Variants in MAML3 observed in about 807,000 individuals in gnomAD.
MAML3 encodes mastermind like transcriptional coactivator 3.
In MAML3, 27 loss-of-function variants were observed where a neutral mutation model predicts 101.9. That is an observed-to-expected ratio of 0.27 (90% CI 0.20 to 0.37). The LOEUF is 0.37. MAML3 is among the 10% of genes least tolerant of loss of function. The probability of loss-of-function intolerance (pLI) is 1.00; values close to 1 mark genes in which losing one functional copy is unlikely to be tolerated. For synonymous variants in MAML3, 501 were observed against 555.9 expected (o/e 0.90, Z 1.39); for missense variants, 1,316 against 1,444.9 (o/e 0.91, Z 1.45).
At chr4:139,748,509 T>G (rs1288027385) in intron 2 of MAML3, among the ~76,000 whole-genome samples, 1 of 151,790 alleles carries the variant, frequency 6.6e-6, no homozygotes, top group Non-Finnish European at 1.5e-5. Flanking sequence ...AATGCATCAG[T>G]GGAAATGAGT....
chr4:140,084,620 C>A (rs1727921590), intron 1 of MAML3, among the ~76,000 whole-genome samples: 1 of 152,088 alleles, frequency 6.6e-6, no homozygotes, highest in African/African-American at 2.4e-5. Flanking sequence ...TAATATTCCA[C>A]TTTTCACCTC....
At chr4:139,943,956 C>T (rs946455318) in intron 1 of MAML3, among the ~76,000 whole-genome samples, 34 of 146,440 alleles carry the variant, frequency 2.3e-4, no homozygotes, top group Non-Finnish European at 4.5e-4. Flanking sequence ...CTGCAACCTC[C>T]GCCTCCCGGG....
chr4:139,920,298 G>A (rs1327107400), intron 1 of MAML3, among the ~76,000 whole-genome samples: 1 of 152,172 alleles, frequency 6.6e-6, no homozygotes, highest in African/African-American at 2.4e-5. Flanking sequence ...TGCAAACTGT[G>A]GCCCTGTCAC....
chr4:139,832,376 T>G (rs934419920), intron 2 of MAML3, among the ~76,000 whole-genome samples: 2 of 151,758 alleles, frequency 1.3e-5, no homozygotes, highest in Non-Finnish European at 2.9e-5. Flanking sequence ...CCTCCCAAAG[T>G]GCTGGAATTA....
chr4:139,912,377 A>C (rs899743190), intron 1 of MAML3, among the ~76,000 whole-genome samples: 1 of 152,190 alleles, frequency 6.6e-6, no homozygotes, highest in African/African-American at 2.4e-5. Context: ...GGAAAAAATA[A>C]AGGTTGAGGA....
intron 1 of MAML3, among the ~76,000 whole-genome samples, chr4:139,991,851 A>G (rs1734678405): frequency 6.6e-6 from 1 of 152,058 alleles, no homozygotes; most frequent in South Asian, 2.1e-4. Context: ...GTCTCAGAAA[A>G]ACAACAACAA....
intron 2 of MAML3, among the ~76,000 whole-genome samples, chr4:139,782,243 G>C (rs1730228921): frequency 6.6e-6 from 1 of 152,164 alleles, no homozygotes; most frequent in African/African-American, 2.4e-5. Flanking sequence ...GTTCACTGCA[G>C]CCTCAAACTT....
At chr4:139,849,724 C>T (rs1414402722) in intron 2 of MAML3, among the ~76,000 whole-genome samples, 1 of 152,220 alleles carries the variant, frequency 6.6e-6, no homozygotes, top group African/African-American at 2.4e-5. Flanking sequence ...TCCACTGTAA[C>T]TTAACCACTC....
chr4:140,137,489 T>C (rs900950578), intron 1 of MAML3, among the ~76,000 whole-genome samples: 3 of 152,222 alleles, frequency 2.0e-5, no homozygotes, highest in Admixed American at 6.5e-5. Flanking sequence ...TACAGTCTCA[T>C]TCCTGTAAGT....
chr4:140,012,315 AT>A (rs1726576078), intron 1 of MAML3, among the ~76,000 whole-genome samples: 1 of 152,270 alleles, frequency 6.6e-6, no homozygotes, highest in Admixed American at 6.5e-5. Context: ...GACATAAATT[AT>A]GAGTGTTATA....
rs193185087 is a variant in MAML3 at position 140,047,783 on chromosome 4, G to C, written c.468+105077C>G. Among the ~76,000 whole-genome samples, 729 of 143,134 alleles carry C rather than the reference G, an allele frequency of 5.1e-3. 4 individuals carry two copies. Among genetic ancestry groups the C allele is most frequent in the Non-Finnish European group, 8.3e-3 (556 of 67,020 alleles). The allele number at this position is 143,134 out of a possible 152,430, so 93.9% of individuals were successfully genotyped here. A position where few individuals can be genotyped will look rare whatever the true frequency, so the allele number is the denominator to read the frequency against. Reference sequence around the variant, plus strand: ...CTCAGATCTAAGCATTTGGATACCTGTAAATAGCTCTGGTTTAGCTTGGAG... The same window carrying C: ...CTCAGATCTAAGCATTTGGATACCTCTAAATAGCTCTGGTTTAGCTTGGAG... On this transcript the variant is annotated intron_variant, in intron 1 of 4. Coordinates refer to ENST00000509479, the MANE Select transcript of MAML3 (RefSeq NM_018717.5).
Position 139,785,858 on chromosome 4 carries a change from G to C in MAML3, c.2080-55191C>G, listed in dbSNP as rs1730296519. Among the ~76,000 whole-genome samples, 1 of 152,100 alleles carries C rather than the reference G, an allele frequency of 6.6e-6. No homozygotes were observed. Among genetic ancestry groups the C allele is most frequent in the Non-Finnish European group, 1.5e-5 (1 of 68,018 alleles). The stretch of plus-strand genomic sequence containing the variant: ...TGGGAATTCTAATGACAATTTAATA[G>C]CGGCCTGCCACATGGTCTAGGGAAA... On this transcript the variant is annotated intron_variant, in intron 2 of 4. Coordinates refer to ENST00000509479, the MANE Select transcript of MAML3 (RefSeq NM_018717.5). This position sits in a 1 kb window ranked among gnomAD's most constrained non-coding sequence, Gnocchi z 4.3.
At chr4:140,143,402 A>C (rs1424420892) in intron 1 of MAML3, among the ~76,000 whole-genome samples, 1 of 152,258 alleles carries the variant, frequency 6.6e-6, no homozygotes, top group Non-Finnish European at 1.5e-5. Context: ...GCATTTGTGC[A>C]GCACCATAAG....
chr4:139,987,481 G>A (rs1449166117), intron 1 of MAML3, among the ~76,000 whole-genome samples: 1 of 152,182 alleles, frequency 6.6e-6, no homozygotes, highest in South Asian at 2.1e-4. Context: ...ATCTTATGCC[G>A]TTCTTTATGG....
At chr4:140,011,019 C>T (rs1434425109) in intron 1 of MAML3, among the ~76,000 whole-genome samples, 1 of 150,406 alleles carries the variant, frequency 6.6e-6, no homozygotes, top group African/African-American at 2.4e-5. Context: ...ATTGCTTGAA[C>T]CCAGGAGGCG....
chr4:140,025,649 C>T (rs952803132), intron 1 of MAML3, among the ~76,000 whole-genome samples: 2 of 152,134 alleles, frequency 1.3e-5, no homozygotes, highest in Non-Finnish European at 2.9e-5. Flanking sequence ...CAGAGACAGA[C>T]AGGAAGACAA....
rs1728093243 is a variant in MAML3, at chr4:139,718,635, A to T, written c.*688T>A. On this transcript the variant is annotated 3_prime_UTR_variant, in exon 5 of 5. Coordinates refer to ENST00000509479, the MANE Select transcript of MAML3 (RefSeq NM_018717.5). Reference sequence around the variant, plus strand: ...GACTGCCGGATGGACCCTGCTCCAAACTCAGCCTGCTCTCCTTGTGACAGC... The same window carrying T: ...GACTGCCGGATGGACCCTGCTCCAATCTCAGCCTGCTCTCCTTGTGACAGC... 6.6e-6 allele frequency: 1 copy of T among 152,214 alleles called. No homozygotes were observed. Among genetic ancestry groups the T allele is most frequent in the Admixed American group, 6.5e-5 (1 of 15,280 alleles). The allele number at this position is 152,214 out of a possible 1,614,324, so 9.4% of individuals were successfully genotyped here.
At chr4:139,763,347 G>C (rs1311062349) in intron 2 of MAML3, among the ~76,000 whole-genome samples, 1 of 152,180 alleles carries the variant, frequency 6.6e-6, no homozygotes, top group African/African-American at 2.4e-5. Context: ...AGAGGAGTCT[G>C]GATTCTGTGA....
intron 2 of MAML3, among the ~76,000 whole-genome samples, chr4:139,885,293 G>C (rs947876162): frequency 2.0e-5 from 3 of 151,920 alleles, no homozygotes; most frequent in African/African-American, 7.3e-5. Flanking sequence ...TGTAGTCCCA[G>C]CTGCTTGGGG....
Sources: gnomAD v4.1 joint callset for allele counts (sites outside exome capture counted in the v4.1 genomes callset) on GRCh38, gnomAD v4.1.1 for gene constraint, Gnocchi (gnomAD v3.1) non-coding constraint, MANE v1.5 for transcripts, NCBI Gene and HGNC (gene_info 2026-07-23, HGNC 2026-07-21) for gene names.